The following POC1A variants were observed in gnomAD, a reference collection of about 807,000 sequenced individuals.
POC1A encodes the protein POC1 centriolar protein A.
A neutral mutation model predicts 47.8 loss-of-function variants in POC1A; 34 were observed. That is an observed-to-expected ratio of 0.71 (90% CI 0.54 to 0.95). POC1A has a LOEUF of 0.95. Among genes scored for constraint, POC1A ranks in the 40% least tolerant of loss-of-function variants. The probability of loss-of-function intolerance (pLI) is 0.00; values close to 1 mark genes in which losing one functional copy is unlikely to be tolerated. For missense variants in POC1A, 466 were observed against 528.3 expected (o/e 0.88, Z 1.16); for synonymous variants, 177 against 207.6 (o/e 0.85, Z 1.27).
chr3:52,104,068 G>A (rs932281810), intron 9 of POC1A, among the ~76,000 whole-genome samples: 2 of 152,038 alleles, frequency 1.3e-5, no homozygotes, highest in Admixed American at 6.5e-5. Context: ...ATTTATAATA[G>A]CCAAAAATTG....
intron 9 of POC1A, among the ~76,000 whole-genome samples, chr3:52,105,935 C>T (rs1276847229): frequency 2.6e-5 from 4 of 152,216 alleles, no homozygotes; most frequent in Non-Finnish European, 5.9e-5. Context: ...TGGCTCACGC[C>T]TGTAATCCCA....
chr3:52,109,113 G>C (rs934432062), intron 9 of POC1A, among the ~76,000 whole-genome samples: 1 of 152,218 alleles, frequency 6.6e-6, no homozygotes, highest in African/African-American at 2.4e-5. Context: ...GGTCGGGGAA[G>C]GGGGAGCAGA....
At chr3:52,112,335 A>G (rs570448270) in intron 9 of POC1A, among the ~76,000 whole-genome samples, 115 of 152,274 alleles carry the variant, frequency 7.6e-4, no homozygotes, top group Admixed American at 1.5e-3. Flanking sequence ...TTTAAACAGT[A>G]CACTGAGATT....
chr3:52,149,104 T>C, intron 4 of POC1A, 106 bp downstream of exon 4: 1 of 853,958 alleles, frequency 1.2e-6, no homozygotes, highest in Non-Finnish European at 1.9e-6. Context: ...GCTTAAACAA[T>C]GCCTAAGTAA....
At chr3:52,125,041 CCT>C in intron 8 of POC1A, 70 bp downstream of exon 8, 8 of 1,204,594 alleles carry the variant, frequency 6.6e-6, no homozygotes, top group South Asian at 1.3e-5. Context: ...CCCCAAACAC[CCT>C]GTTTGGTTCT....
At chr3:52,085,603 C>G (rs1281373317) in intron 10 of POC1A, among the ~76,000 whole-genome samples, 1 of 152,206 alleles carries the variant, frequency 6.6e-6, no homozygotes, top group African/African-American at 2.4e-5. Flanking sequence ...GCCTGCCTTC[C>G]TCCCCTCATG....
chr3:52,133,296 C>T lies in POC1A; in HGVS notation c.813+4873G>A, dbSNP rs147212587. On this transcript the variant is annotated intron_variant, in intron 7 of 10. Transcript: ENST00000296484. The stretch of plus-strand genomic sequence containing the variant: ...GGAAGCAGAGGGCAGCCTTCCCCAA[C>T]GCTAGTACCTTGATCTGGGACTTCC... 1.2e-4 allele frequency among the ~76,000 whole-genome samples: 19 copies of T among 152,280 alleles called. No individual in the cohort carries two copies. The East Asian group carries it at 1.7e-3, about 14-fold the overall frequency.
chr3:52,133,649 A>G (rs1034450529), intron 7 of POC1A, among the ~76,000 whole-genome samples: 2 of 152,126 alleles, frequency 1.3e-5, no homozygotes, highest in African/African-American at 2.4e-5. Context: ...GTACCTTAGG[A>G]GACAACTGAA....
chr3:52,116,747 T>C (rs1382621531), intron 9 of POC1A, among the ~76,000 whole-genome samples: 1 of 152,132 alleles, frequency 6.6e-6, no homozygotes, highest in East Asian at 1.9e-4. Flanking sequence ...AGAACCCTTT[T>C]TAAAGTAGCT....
At chr3:52,123,830 A>G (rs902874499) in intron 8 of POC1A, among the ~76,000 whole-genome samples, 1 of 152,164 alleles carries the variant, frequency 6.6e-6, no homozygotes, top group Non-Finnish European at 1.5e-5. Flanking sequence ...CTACTATGTC[A>G]TTTGATTCTA....
intron 9 of POC1A, among the ~76,000 whole-genome samples, chr3:52,109,982 C>T (rs1703324725): frequency 6.6e-6 from 1 of 152,116 alleles, no homozygotes; most frequent in African/African-American, 2.4e-5. Context: ...CTGCCACTGC[C>T]CACACCACCC....
chr3:52,116,459 G>C (rs565114149), intron 9 of POC1A, among the ~76,000 whole-genome samples: 59 of 152,296 alleles, frequency 3.9e-4, no homozygotes, highest in Non-Finnish European at 5.9e-5. Context: ...TGGGCATCTT[G>C]TCCTGAGGAA....
At chr3:52,091,230 C>T (rs1332948322) in intron 10 of POC1A, among the ~76,000 whole-genome samples, 2 of 152,010 alleles carry the variant, frequency 1.3e-5, no homozygotes, top group East Asian at 1.9e-4. Flanking sequence ...GAGGGAGAGG[C>T]GTGCGATCTC....
intron 4 of POC1A, among the ~76,000 whole-genome samples, chr3:52,147,401 G>T (rs1464672461): frequency 6.6e-6 from 1 of 152,002 alleles, no homozygotes; most frequent in African/African-American, 2.4e-5. Context: ...CTTCTGAAGA[G>T]TTTTTCAGGA....
chr3:52,084,925 G>C lies in POC1A; in HGVS notation c.1126-8940C>G, dbSNP rs1015349277. ...AGGCATGTGTCCCACCAAGCACTCTGCCTGGGCTGGGGACACAGTGGCAAG... is the reference window on the plus strand; with the variant it reads ...AGGCATGTGTCCCACCAAGCACTCTCCCTGGGCTGGGGACACAGTGGCAAG... On this transcript the variant is annotated intron_variant, in intron 10 of 10. Transcript: ENST00000296484. The surrounding 1 kb of genome is among the most constrained non-coding windows in gnomAD (Gnocchi z 4.3). 2.0e-5 allele frequency among the ~76,000 whole-genome samples: 3 copies of C among 152,264 alleles called. No individual in the cohort carries two copies. Among genetic ancestry groups the C allele is most frequent in the Non-Finnish European group, 4.4e-5 (3 of 68,046 alleles).
At chr3:52,125,013 G>T in intron 8 of POC1A, 100 bp downstream of exon 8, 1 of 921,736 alleles carries the variant, frequency 1.1e-6, no homozygotes, top group Non-Finnish European at 1.7e-6. Context: ...CAAGGAAGCT[G>T]GCGAAACCCA....
chr3:52,117,479 G>C (rs563288474), intron 9 of POC1A, among the ~76,000 whole-genome samples: 2 of 152,186 alleles, frequency 1.3e-5, no homozygotes. Flanking sequence ...CCTCACAGAC[G>C]TCTGGCCACT....
chr3:52,151,503 CAGG>C (rs1553749616), intron 1 of POC1A, among the ~76,000 whole-genome samples: 1 of 151,112 alleles, frequency 6.6e-6, no homozygotes, highest in Non-Finnish European at 1.5e-5. Context: ...CCCAGTTACT[CAGG>C]AGGCTGACGC....
intron 9 of POC1A, among the ~76,000 whole-genome samples, chr3:52,115,302 AT>A (rs1703523723): frequency 6.6e-6 from 1 of 152,154 alleles, no homozygotes; most frequent in Non-Finnish European, 1.5e-5. Context: ...TCTTGAAAAA[AT>A]TAGGTGCCAG....
Sources: gnomAD v4.1 joint callset for allele counts (sites outside exome capture counted in the v4.1 genomes callset) on GRCh38, gnomAD v4.1.1 for gene constraint, Gnocchi (gnomAD v3.1) non-coding constraint, MANE v1.5 for transcripts, NCBI Gene and HGNC (gene_info 2026-07-23, HGNC 2026-07-21) for gene names.